The following ASCC3 variants were observed in gnomAD, a reference collection of about 807,000 sequenced individuals.
ASCC3 encodes the protein ASC-1 complex subunit P200.
In ASCC3, 158 loss-of-function variants were observed where a neutral mutation model predicts 256.3. That is an observed-to-expected ratio of 0.62 (90% CI 0.54 to 0.70). ASCC3 has a LOEUF of 0.70. Ranked by LOEUF, ASCC3 falls within the 30% of genes least tolerant of loss-of-function variation. The pLI, the probability that ASCC3 is intolerant of heterozygous loss-of-function variation, is 0.00. For missense variants in ASCC3, 2,259 were observed against 2,626.0 expected (o/e 0.86, Z 3.05); for synonymous variants, 948 against 883.4 (o/e 1.07, Z -1.30).
rs1312329279 is a variant in ASCC3 at position 100,509,228 on chromosome 6, TGTCACTGGA to T, written c.*149_*157del. On this transcript the variant is annotated 3_prime_UTR_variant, in exon 42 of 42. Coordinates refer to ENST00000369162, the MANE Select transcript of ASCC3 (RefSeq NM_006828.4). ...TAAAAGGCCACTGTGGTTAACTTTA[TGTCACTGGA>T]GTCAATACTGCAGCCACTGTCAATT... 3 of 915,330 alleles carry T rather than the reference TGTCACTGGA, an allele frequency of 3.3e-6. No individual in the cohort carries two copies. In the African/African-American group the frequency reaches 4.9e-5, roughly 15 times the overall value. The allele number at this position is 915,330 out of a possible 1,614,324, so 56.7% of individuals were successfully genotyped here.
chr6:100,841,214 A>C (rs1562336029), intron 4 of ASCC3, among the ~76,000 whole-genome samples: 2 of 152,322 alleles, frequency 1.3e-5, no homozygotes, highest in East Asian at 3.9e-4. Context: ...AGCAAAGGAG[A>C]TAGTAGTAAG....
At chr6:100,630,712 G>A (rs1160947401) in intron 26 of ASCC3, among the ~76,000 whole-genome samples, 2 of 151,738 alleles carry the variant, frequency 1.3e-5, no homozygotes, top group Admixed American at 6.6e-5. Context: ...CCCACATCAT[G>A]TTTTTCAAAG....
intron 36 of ASCC3, among the ~76,000 whole-genome samples, chr6:100,558,694 T>C (rs2114699762): frequency 6.6e-6 from 1 of 152,266 alleles, no homozygotes; most frequent in Middle Eastern, 3.4e-3. Context: ...TAGTATAGAT[T>C]GGGAAACAAT....
chr6:100,860,048 C>T (rs1254287571), intron 3 of ASCC3, among the ~76,000 whole-genome samples: 1 of 151,996 alleles, frequency 6.6e-6, no homozygotes, highest in Non-Finnish European at 1.5e-5. Flanking sequence ...TAGTTTCTGT[C>T]TGCACTGTGC....
intron 34 of ASCC3, among the ~76,000 whole-genome samples, chr6:100,591,324 G>A (rs1449424642): frequency 6.6e-6 from 1 of 151,848 alleles, no homozygotes; most frequent in East Asian, 1.9e-4. Flanking sequence ...AAAAATTCTG[G>A]ACATTCAAGC....
intron 36 of ASCC3, among the ~76,000 whole-genome samples, chr6:100,581,524 T>C (rs547443910): frequency 0.034 from 5,135 of 151,906 alleles, 259 homozygotes; most frequent in African/African-American, 0.12. Flanking sequence ...TTTCTCCCAT[T>C]TTGTAGGTTG....
At chr6:100,555,964 C>A (rs987109210) in intron 36 of ASCC3, among the ~76,000 whole-genome samples, 3 of 152,164 alleles carry the variant, frequency 2.0e-5, no homozygotes, top group South Asian at 2.1e-4. Context: ...CCACTGCAAT[C>A]CAGCCTGGGC....
intron 36 of ASCC3, among the ~76,000 whole-genome samples, chr6:100,543,172 T>C (rs1185496238): frequency 1.3e-5 from 2 of 152,174 alleles, no homozygotes; most frequent in East Asian, 1.9e-4. Context: ...AACTTACACA[T>C]ATCCTCCTGT....
intron 37 of ASCC3, among the ~76,000 whole-genome samples, chr6:100,526,699 G>T (rs959300607): frequency 1.3e-5 from 2 of 152,176 alleles, no homozygotes; most frequent in African/African-American, 4.8e-5. Flanking sequence ...CTAGGACTAG[G>T]ATTCTGCACC....
chr6:100,585,997 G>T (rs559697787), intron 36 of ASCC3, among the ~76,000 whole-genome samples: 140 of 152,270 alleles, frequency 9.2e-4, no homozygotes, highest in East Asian at 5.8e-4. Flanking sequence ...CCTACTGGGG[G>T]GTGCCTCCCA....
At chr6:100,652,403 T>G (rs1157655573) in intron 18 of ASCC3, among the ~76,000 whole-genome samples, 1 of 152,088 alleles carries the variant, frequency 6.6e-6, no homozygotes, top group Admixed American at 6.6e-5. Flanking sequence ...GAAGGTTTAT[T>G]TGGGGAAAGA....
chr6:100,805,657 T>C (rs1455035150), intron 5 of ASCC3, 103 bp downstream of exon 5: 3 of 1,369,184 alleles, frequency 2.2e-6, no homozygotes, highest in Non-Finnish European at 3.0e-6. Flanking sequence ...CAGTAAATTA[T>C]ATAACAGACC....
chr6:100,603,543 C>A (rs1215429810), intron 33 of ASCC3, among the ~76,000 whole-genome samples: 1 of 152,062 alleles, frequency 6.6e-6, no homozygotes, highest in Non-Finnish European at 1.5e-5. Context: ...AAAGGGAAAG[C>A]TTTCAATATC....
chr6:100,554,332 GAA>G (rs1164514827), intron 36 of ASCC3, among the ~76,000 whole-genome samples: 3 of 152,070 alleles, frequency 2.0e-5, no homozygotes, highest in Non-Finnish European at 4.4e-5. Flanking sequence ...GGGAATAGAG[GAA>G]AGACACGACC....
At chr6:100,800,527 A>G (rs1196791715) in intron 5 of ASCC3, 23 bp from the exon 6 acceptor site, 1 of 1,527,400 alleles carries the variant, frequency 6.5e-7, no homozygotes, top group Non-Finnish European at 9.0e-7. Context: ...TTTAAGAAAC[A>G]CAATGTTTTA....
chr6:100,715,664 C>A, intron 12 of ASCC3, 131 bp from the exon 13 acceptor site: 1 of 668,452 alleles, frequency 1.5e-6, no homozygotes. Context: ...GTATCAAATA[C>A]CTCATAAACA....
At chr6:100,842,879 G>A (rs1355496781) in intron 4 of ASCC3, among the ~76,000 whole-genome samples, 1 of 152,022 alleles carries the variant, frequency 6.6e-6, no homozygotes, top group Non-Finnish European at 1.5e-5. Context: ...GGAGTCTGAG[G>A]CAAGAGGATT....
intron 5 of ASCC3, 86 bp downstream of exon 5, chr6:100,805,674 T>C (rs749818101): frequency 9.5e-6 from 14 of 1,469,036 alleles, no homozygotes; most frequent in African/African-American, 2.8e-5. Flanking sequence ...GACCAAAACA[T>C]ATTTTAAAAT....
Position 100,510,182 on chromosome 6 carries a change from C to T in ASCC3, c.6286-75G>A, listed in dbSNP as rs896158468. 2.2e-5 allele frequency: 33 copies of T among 1,502,254 alleles called. 1 individual carries two copies. Among genetic ancestry groups the T allele is most frequent in the Admixed American group, 1.0e-4 (6 of 59,756 alleles). The allele number at this position is 1,502,254 out of a possible 1,614,324, so 93.1% of individuals were successfully genotyped here. A position where few individuals can be genotyped will look rare whatever the true frequency, so the allele number is the denominator to read the frequency against. On this transcript the variant is annotated intron_variant, in intron 40 of 41. Coordinates refer to ENST00000369162, the MANE Select transcript of ASCC3 (RefSeq NM_006828.4). ...TACCACTTGGTTGTGGTTAAGGCTA[C>T]GTTGTCTTACTTGAAGGCCATACAT... is the stretch of plus-strand genomic sequence containing the variant.
Sources: allele counts gnomAD v4.1 joint callset (sites outside exome capture counted in the v4.1 genomes callset), GRCh38; gene constraint gnomAD v4.1.1; transcripts MANE v1.5; gene names NCBI Gene and HGNC (gene_info 2026-07-23, HGNC 2026-07-21).